Variants in CEP350 observed in about 807,000 individuals in gnomAD.
CEP350 encodes the protein centrosome-associated protein 350.
CEP350 carries 126 observed loss-of-function variants against 331.8 expected under a neutral mutation model. That is an observed-to-expected ratio of 0.38 (90% CI 0.33 to 0.44). CEP350 has a LOEUF of 0.44. Ranked by LOEUF, CEP350 falls within the 20% of genes least tolerant of loss-of-function variation. The pLI, the probability that CEP350 is intolerant of heterozygous loss-of-function variation, is 1.00. For missense variants in CEP350, 3,406 were observed against 3,634.6 expected, an observed-to-expected ratio of 0.94 and a Z score of 1.62; for synonymous variants, 1,200 against 1,259.5, an observed-to-expected ratio of 0.95 and a Z score of 1.00.
In CEP350 at chr1:179,968,834, G is replaced by A. The variant is rs1289697699; in HGVS notation, c.-14+13692G>A. The A allele has an allele frequency of 1.4e-5, 10 of 708,748 alleles. No individual in the cohort carries two copies. In the East Asian group the frequency reaches 2.5e-4, roughly 17 times the overall value. 43.9% of individuals were successfully genotyped at this position (708,748 alleles called of 1,614,324 possible). On this transcript the variant is annotated intron_variant, in intron 1 of 37. Transcript: ENST00000367607. ...TGAAAGAAGCTTCTGCTGGCAGCTC[G>A]TGCCATTGTTACCTTTGAAAACCCC...
At chr1:180,001,958 G>A (rs1653891096) in intron 6 of CEP350, among the ~76,000 whole-genome samples, 1 of 152,154 alleles carries the variant, frequency 6.6e-6, no homozygotes, top group Non-Finnish European at 1.5e-5. Context: ...AACAGTATGT[G>A]TTAACATACT....
chr1:179,999,654 T>A (rs1352020008), intron 6 of CEP350, among the ~76,000 whole-genome samples: 1 of 152,180 alleles, frequency 6.6e-6, no homozygotes, highest in Non-Finnish European at 1.5e-5. Context: ...TCTGTCACTC[T>A]TGTGCTTGGC....
chr1:180,107,502 C>G (rs931644096), intron 37 of CEP350, among the ~76,000 whole-genome samples: 4 of 152,178 alleles, frequency 2.6e-5, no homozygotes, highest in Non-Finnish European at 4.4e-5. Context: ...AACCCCATCT[C>G]TCTGAAAATA....
chr1:179,996,064 C>CT (rs1311210611), intron 5 of CEP350, among the ~76,000 whole-genome samples: 1 of 152,078 alleles, frequency 6.6e-6, no homozygotes, highest in African/African-American at 2.4e-5. Context: ...TTCTGGAGTT[C>CT]TTAGGAAATC....
intron 6 of CEP350, 59 bp from the exon 7 acceptor site, chr1:180,003,115 C>A (rs1231055436): frequency 9.0e-6 from 10 of 1,111,046 alleles, no homozygotes; most frequent in Non-Finnish European, 1.3e-5. Context: ...AAAAGTATAA[C>A]AAACAAAACT....
chr1:180,074,754 T>G (rs896566806), intron 27 of CEP350, among the ~76,000 whole-genome samples: 1 of 152,230 alleles, frequency 6.6e-6, no homozygotes, highest in African/African-American at 2.4e-5. Flanking sequence ...GTTGTCTAGA[T>G]ATTCTGAAGG....
Position 180,111,011 on chromosome 1 carries a change from T to C in CEP350, c.9204T>C (p.His3068=). The change falls in exon 38 of 38, where the codon CAT becomes CAC. Residue 3068 remains histidine, a synonymous_variant. Coordinates refer to ENST00000367607, the MANE Select transcript of CEP350 (RefSeq NM_014810.5). The part of the protein sequence containing the change: ...RVDHILVQEL[H]EEEAQWVNYD... The stretch of plus-strand genomic sequence containing the variant: ...CTAAATCCTAGGTTCAGGAGCTCCA[T>C]GAGGAGGAGGCACAGTGGGTGAACT... 17 of 1,613,724 alleles carry C rather than the reference T, an allele frequency of 1.1e-5. No homozygotes were observed. Among genetic ancestry groups the C allele is most frequent in the Non-Finnish European group, 1.4e-5 (17 of 1,179,668 alleles).
chr1:180,000,026 C>T (rs1653757453), intron 6 of CEP350, among the ~76,000 whole-genome samples: 1 of 151,976 alleles, frequency 6.6e-6, no homozygotes, highest in South Asian at 2.1e-4. Flanking sequence ...ATCTCAGAAC[C>T]TAGTACAGTG....
intron 5 of CEP350, among the ~76,000 whole-genome samples, chr1:179,993,655 G>T (rs1653254894): frequency 7.2e-6 from 1 of 138,816 alleles, no homozygotes; most frequent in African/African-American, 2.7e-5. Flanking sequence ...AACTCATGGG[G>T]TGGTCTTGAA....
chr1:180,067,618 G>C (rs1295544101), intron 27 of CEP350, among the ~76,000 whole-genome samples: 5 of 152,202 alleles, frequency 3.3e-5, no homozygotes, highest in African/African-American at 9.6e-5. Flanking sequence ...GAACCTGGGA[G>C]GGGGAGGTTG....
At position 180,094,233 on chromosome 1, in the gene CEP350, G is replaced by A; in HGVS notation, c.8128G>A (p.Glu2710Lys). ...AGAAGAGGAAGACAACCTATATGCTGAAGCTTCAGAAAAGCTTTGTACACC... is the reference window on the plus strand; with the variant it reads ...AGAAGAGGAAGACAACCTATATGCTAAAGCTTCAGAAAAGCTTTGTACACC... ...FTEEEDNLYA[E>K]ASEKLCTPLL... Residue 2710 changes from glutamate (E) to lysine (K), a missense_variant, in exon 34 of 38, where the codon GAA (glutamate) becomes AAA (lysine). By Grantham distance (56) the Glu-to-Lys change is moderately conservative. Around this residue, in one of 5 missense-constraint regions of CEP350, gnomAD observed 1,415 missense variants for 1,512.3 expected, o/e 0.94. Transcript: ENST00000367607. 1 of 1,612,994 alleles carries A rather than the reference G, an allele frequency of 6.2e-7. No homozygotes were observed. The highest frequency in any genetic ancestry group is 1.1e-5 in the South Asian group (1 of 90,932).
intron 7 of CEP350, among the ~76,000 whole-genome samples, chr1:180,006,238 T>C (rs547147458): frequency 1.3e-5 from 2 of 152,122 alleles, no homozygotes; most frequent in African/African-American, 4.8e-5. Flanking sequence ...TGGAACCCAA[T>C]ACTGGAGTGG....
intron 14 of CEP350, among the ~76,000 whole-genome samples, chr1:180,030,096 A>C (rs1655915495): frequency 6.6e-6 from 1 of 151,712 alleles, no homozygotes; most frequent in Admixed American, 6.6e-5. Flanking sequence ...TCATCTTCTG[A>C]CTATTTTGAG....
At chr1:180,077,680 A>AAAAAAAAAAAAAAAAC in intron 28 of CEP350, among the ~76,000 whole-genome samples, 1 of 151,068 alleles carries the variant, frequency 6.6e-6, no homozygotes, top group Non-Finnish European at 1.5e-5. Flanking sequence ...GTAAAAAAAA[A>AAAAAAAAAAAAAAAAC]AAAAAAAAAA....
chr1:179,967,157 AT>A (rs1368796567), intron 1 of CEP350, among the ~76,000 whole-genome samples: 10 of 152,212 alleles, frequency 6.6e-5, no homozygotes, highest in Non-Finnish European at 1.3e-4. Flanking sequence ...ATGATAAGTT[AT>A]TAAATGTTAT....
intron 37 of CEP350, among the ~76,000 whole-genome samples, chr1:180,101,246 C>T (rs1660787551): frequency 6.6e-6 from 1 of 151,900 alleles, no homozygotes; most frequent in Non-Finnish European, 1.5e-5. Context: ...TACAGAGAGA[C>T]CTGACCTATA....
At chr1:179,976,022 A>G (rs1651837191) in intron 1 of CEP350, among the ~76,000 whole-genome samples, 1 of 152,194 alleles carries the variant, frequency 6.6e-6, no homozygotes, top group South Asian at 2.1e-4. Context: ...GAAACAGGAG[A>G]AATATGTTTT....
intron 16 of CEP350, 146 bp from the exon 17 acceptor site, chr1:180,036,780 A>G (rs910702215): frequency 1.4e-6 from 1 of 734,824 alleles, no homozygotes; most frequent in Non-Finnish European, 2.0e-6. Flanking sequence ...CTGAACCTGC[A>G]GTATCTCCAA....
chr1:179,988,775 T>C (rs1652834748), intron 3 of CEP350, among the ~76,000 whole-genome samples: 1 of 152,148 alleles, frequency 6.6e-6, no homozygotes, highest in Admixed American at 6.5e-5. Flanking sequence ...TTACTAAGTA[T>C]TTCAGTGATA....
Sources: gnomAD v4.1 joint callset for allele counts (sites outside exome capture counted in the v4.1 genomes callset) on GRCh38, gnomAD v4.1.1 for gene constraint, gnomAD v4.1.1 regional missense constraint, MANE v1.5 for transcripts, NCBI Gene and HGNC (gene_info 2026-07-23, HGNC 2026-07-21) for gene names.